Variants in OPCML observed in about 807,000 individuals in gnomAD.
OPCML encodes the protein opioid binding protein/cell adhesion molecule like.
OPCML carries 13 observed loss-of-function variants against 37.8 expected under a neutral mutation model. The observed-to-expected ratio is 0.34, with a 90% CI of 0.22 to 0.55. The LOEUF (loss-of-function observed/expected upper bound fraction) is 0.55, where lower values mean the gene tolerates loss of function less well. Among genes scored for constraint, OPCML ranks in the 20% least tolerant of loss-of-function variants. The pLI, the probability that OPCML is intolerant of heterozygous loss-of-function variation, is 0.91. For synonymous variants in OPCML, 176 were observed against 168.8 expected, an observed-to-expected ratio of 1.04 and a Z score of -0.33; for missense variants, 341 against 435.6, an observed-to-expected ratio of 0.78 and a Z score of 1.93.
chr11:133,140,724 A>AGACGGAAGAC lies in OPCML; in HGVS notation c.62-197715_62-197714insGTCTTCCGTC, dbSNP rs1555102330. 1.5e-3 allele frequency among the ~76,000 whole-genome samples: 34 copies of AGACGGAAGAC among 22,162 alleles called. 2 individuals carry two copies. In the South Asian group the frequency reaches 0.047, roughly 30 times the overall value. The allele number at this position is 22,162 out of a possible 152,430, so 14.5% of individuals were successfully genotyped here. A position where few individuals can be genotyped will look rare whatever the true frequency, so the allele number is the denominator to read the frequency against. Reference sequence around the variant, plus strand: ...GAAGAAGACGGAAGACGAAGACGGAAGACGACGACGACGACGACGACGAGG... The same window carrying AGACGGAAGAC: ...GAAGAAGACGGAAGACGAAGACGGAAGACGGAAGACGACGACGACGACGACGACGACGAGG... On this transcript the variant is annotated intron_variant, in intron 1 of 7. Coordinates refer to ENST00000524381, the MANE Select transcript of OPCML (RefSeq NM_001012393.5).
intron 1 of OPCML, among the ~76,000 whole-genome samples, chr11:133,326,722 G>A (rs1943470713): frequency 7.6e-6 from 1 of 131,874 alleles, no homozygotes; most frequent in Non-Finnish European, 1.6e-5. Flanking sequence ...GGGTGTGGGT[G>A]TAGGGGGTAT....
chr11:133,442,755 GT>G (rs1228716416), intron 1 of OPCML, among the ~76,000 whole-genome samples: 23 of 151,516 alleles, frequency 1.5e-4, no homozygotes, highest in African/African-American at 5.6e-4. Flanking sequence ...GTGTGTGTGT[GT>G]GTGTGTGTGT....
chr11:132,467,076 G>A (rs1460888977), intron 4 of OPCML, among the ~76,000 whole-genome samples: 1 of 152,194 alleles, frequency 6.6e-6, no homozygotes, highest in Non-Finnish European at 1.5e-5. Flanking sequence ...GCAGTTTAAA[G>A]ACTCCTCATT....
At chr11:132,785,013 C>A (rs563205070) in intron 2 of OPCML, among the ~76,000 whole-genome samples, 1 of 152,172 alleles carries the variant, frequency 6.6e-6, no homozygotes, top group Admixed American at 6.5e-5. Flanking sequence ...CACAATGATA[C>A]ATATTTTATT....
At chr11:132,697,765 C>T (rs939597767) in intron 2 of OPCML, among the ~76,000 whole-genome samples, 4 of 151,690 alleles carry the variant, frequency 2.6e-5, no homozygotes, top group African/African-American at 9.7e-5. Flanking sequence ...ATACTGATTT[C>T]ATTTTGTTTT....
intron 1 of OPCML, among the ~76,000 whole-genome samples, chr11:133,134,981 C>T (rs530591384): frequency 6.6e-6 from 1 of 152,306 alleles, no homozygotes; most frequent in East Asian, 1.9e-4. Context: ...GCACATTTTA[C>T]ACACACTGAT....
intron 4 of OPCML, among the ~76,000 whole-genome samples, chr11:132,460,598 A>G (rs2096097970): frequency 6.6e-6 from 1 of 152,224 alleles, no homozygotes; most frequent in Admixed American, 6.5e-5. Context: ...TGGTATCTTG[A>G]TGGCAAAGAA....
chr11:132,617,587 A>G (rs1352690456), intron 3 of OPCML, among the ~76,000 whole-genome samples: 1 of 152,228 alleles, frequency 6.6e-6, no homozygotes, highest in African/African-American at 2.4e-5. Flanking sequence ...CAGTCTTCTC[A>G]GGCTGCCAGA....
At chr11:133,042,326 C>A (rs577969183) in intron 1 of OPCML, among the ~76,000 whole-genome samples, 1 of 152,276 alleles carries the variant, frequency 6.6e-6, no homozygotes, top group African/African-American at 2.4e-5. Context: ...GAAGAAAAAG[C>A]AAATAAACAC....
intron 1 of OPCML, among the ~76,000 whole-genome samples, chr11:133,153,390 G>T (rs1225026373): frequency 6.6e-6 from 1 of 152,184 alleles, no homozygotes; most frequent in Non-Finnish European, 1.5e-5. Context: ...CTGCTCAAAT[G>T]GTAGGCTCAG....
chr11:133,494,559 A>G (rs1308320106), intron 1 of OPCML, among the ~76,000 whole-genome samples: 1 of 146,402 alleles, frequency 6.8e-6, no homozygotes, highest in East Asian at 2.0e-4. Flanking sequence ...TGATGAGTTC[A>G]TGTCCTTTGT....
intron 2 of OPCML, among the ~76,000 whole-genome samples, chr11:132,840,392 T>G (rs1327193858): frequency 1.3e-5 from 2 of 152,234 alleles, no homozygotes; most frequent in African/African-American, 4.8e-5. Flanking sequence ...GCTGCCCCTT[T>G]GCTGAGGTGG....
intron 1 of OPCML, chr11:133,025,612 G>T: frequency 2.8e-6 from 1 of 353,398 alleles, no homozygotes; most frequent in Non-Finnish European, 4.0e-6. Flanking sequence ...TAATCAACAT[G>T]AGGTCTCACT....
chr11:132,943,427 C>T lies in OPCML; in HGVS notation c.62-417G>A. The T allele has an allele frequency of 2.7e-6, 1 of 370,252 alleles. No individual in the cohort carries two copies. Among genetic ancestry groups the T allele is most frequent in the Middle Eastern group, 8.1e-4 (1 of 1,232 alleles). 22.9% of individuals were successfully genotyped at this position (370,252 alleles called of 1,614,324 possible). ...AAGGTCACAGATTGCGCTTTCTCTG[C>T]CTCTCTCTTCGAGACGCTACTTTAA... On this transcript the variant is annotated intron_variant, in intron 1 of 7. Transcript: ENST00000524381. The surrounding 1 kb of genome is among the most constrained non-coding windows in gnomAD (Gnocchi z 4.3).
chr11:133,117,941 G>A, intron 1 of OPCML: 1 of 985,188 alleles, frequency 1.0e-6, no homozygotes. Context: ...AGGGAATGGG[G>A]GCTGTCCAAG....
At chr11:132,455,306 G>A (rs1207622365) in intron 4 of OPCML, among the ~76,000 whole-genome samples, 1 of 152,144 alleles carries the variant, frequency 6.6e-6, no homozygotes, top group Non-Finnish European at 1.5e-5. Flanking sequence ...AGAGAAGCCT[G>A]GAGTGTGCAG....
chr11:132,488,200 G>A (rs756747198), intron 4 of OPCML, among the ~76,000 whole-genome samples: 21 of 152,236 alleles, frequency 1.4e-4, no homozygotes, highest in Non-Finnish European at 2.5e-4. Flanking sequence ...ACAGTCTTGT[G>A]TGAAGCATTC....
intron 2 of OPCML, among the ~76,000 whole-genome samples, chr11:132,896,625 A>C (rs1281761746): frequency 3.3e-5 from 5 of 152,230 alleles, no homozygotes; most frequent in Admixed American, 3.3e-4. Context: ...CATCAGAGAT[A>C]TATCAACTCG....
At chr11:132,880,420 T>A (rs1397959331) in intron 2 of OPCML, among the ~76,000 whole-genome samples, 3 of 152,104 alleles carry the variant, frequency 2.0e-5, no homozygotes, top group African/African-American at 7.2e-5. Flanking sequence ...CCTATTATAA[T>A]ACCACAAAGA....
Sources: allele counts gnomAD v4.1 joint callset (sites outside exome capture counted in the v4.1 genomes callset), GRCh38; gene constraint gnomAD v4.1.1; non-coding constraint Gnocchi (gnomAD v3.1); transcripts MANE v1.5; gene names NCBI Gene and HGNC (gene_info 2026-07-23, HGNC 2026-07-21).